The following SLC15A5 variants were observed in gnomAD, a reference collection of about 807,000 sequenced individuals.
SLC15A5 encodes solute carrier family 15 member 5.
In SLC15A5, 58 loss-of-function variants were observed where a neutral mutation model predicts 56.1. That is an observed-to-expected ratio of 1.03 (90% CI 0.84 to 1.29). The LOEUF is 1.29. Ranked by LOEUF, SLC15A5 falls within the 50% of genes most tolerant of loss-of-function variation. The pLI, the probability that SLC15A5 is intolerant of heterozygous loss-of-function variation, is 0.00. For missense variants in SLC15A5, 681 were observed against 672.1 expected (o/e 1.01, Z -0.15); for synonymous variants, 264 against 250.5 (o/e 1.05, Z -0.51).
rs113628892 is a variant in SLC15A5 at position 16,251,583 on chromosome 12, G to C, written c.754+6118C>G. Among the ~76,000 whole-genome samples, 1,279 of 151,830 alleles carry C rather than the reference G, an allele frequency of 8.4e-3. 15 individuals carry two copies. Among genetic ancestry groups the C allele is most frequent in the South Asian group, 0.055 (266 of 4,808 alleles). On this transcript the variant is annotated intron_variant, in intron 3 of 8. Transcript: ENST00000344941. ...TTATATAATCTAGAAGAAATGGATAGCTTTCTATAAACATACAACCTACTA... is the reference window on the plus strand; with the variant it reads ...TTATATAATCTAGAAGAAATGGATACCTTTCTATAAACATACAACCTACTA...
chr12:16,252,816 G>A (rs2136800868), intron 3 of SLC15A5, among the ~76,000 whole-genome samples: 1 of 152,068 alleles, frequency 6.6e-6, no homozygotes, highest in African/African-American at 2.4e-5. Context: ...AAATTCATAT[G>A]GAATATTAAT....
At chr12:16,202,643 CT>C (rs1177121378) in intron 7 of SLC15A5, among the ~76,000 whole-genome samples, 1 of 152,054 alleles carries the variant, frequency 6.6e-6, no homozygotes, top group Non-Finnish European at 1.5e-5. Flanking sequence ...ATCAAAGAAA[CT>C]TTTGTAAATT....
At chr12:16,216,855 A>G (rs368755851) in intron 7 of SLC15A5, 38 bp downstream of exon 7, 1 of 1,507,704 alleles carries the variant, frequency 6.6e-7, no homozygotes, top group Non-Finnish European at 8.8e-7. Flanking sequence ...CTAGTCATCA[A>G]CTCAATGTAT....
At chr12:16,244,905 G>T (rs1353518064) in intron 3 of SLC15A5, 105 bp from the exon 4 acceptor site, 1 of 1,255,644 alleles carries the variant, frequency 8.0e-7, no homozygotes, top group Non-Finnish European at 1.1e-6. Context: ...GCAGTGAAGT[G>T]AGAAAGTTTT....
chr12:16,195,946 A>G (rs890064632), intron 7 of SLC15A5, among the ~76,000 whole-genome samples: 3 of 152,096 alleles, frequency 2.0e-5, no homozygotes, highest in South Asian at 2.1e-4. Context: ...TCTGAAAGCT[A>G]GCCTAAATAA....
intron 1 of SLC15A5, 147 bp from the exon 2 acceptor site, chr12:16,272,930 A>C: frequency 2.7e-6 from 2 of 735,616 alleles, no homozygotes; most frequent in South Asian, 1.9e-5. Flanking sequence ...AATTTCAGGG[A>C]TAGCCTGATG....
chr12:16,231,276 C>T (rs1463543597), intron 5 of SLC15A5, among the ~76,000 whole-genome samples: 1 of 152,044 alleles, frequency 6.6e-6, no homozygotes, highest in Middle Eastern at 3.2e-3. Context: ...TGATTGACCA[C>T]ACAATTTTAA....
At chr12:16,198,535 C>T (rs1863918224) in intron 7 of SLC15A5, among the ~76,000 whole-genome samples, 2 of 152,136 alleles carry the variant, frequency 1.3e-5, no homozygotes, top group Admixed American at 6.6e-5. Context: ...ATATCAAATG[C>T]ACTGCTGTAG....
intron 8 of SLC15A5, 137 bp downstream of exon 8, chr12:16,194,208 C>T: frequency 4.1e-6 from 2 of 490,314 alleles, no homozygotes; most frequent in Non-Finnish European, 7.0e-6. Flanking sequence ...AATTTCTTAC[C>T]CTGAATAATC....
chr12:16,226,831 T>G (rs1264164106), intron 5 of SLC15A5, among the ~76,000 whole-genome samples: 1 of 152,222 alleles, frequency 6.6e-6, no homozygotes, highest in African/African-American at 2.4e-5. Context: ...AGCATTCATA[T>G]TACTGGACTT....
intron 8 of SLC15A5, among the ~76,000 whole-genome samples, chr12:16,193,724 C>T (rs1863861083): frequency 6.8e-5 from 10 of 147,550 alleles, no homozygotes; most frequent in Admixed American, 6.2e-4. Flanking sequence ...AACAGAGGCC[C>T]AGAGAGGTTA....
intron 3 of SLC15A5, among the ~76,000 whole-genome samples, chr12:16,249,611 A>G (rs896892715): frequency 6.6e-6 from 1 of 152,112 alleles, no homozygotes; most frequent in African/African-American, 2.4e-5. Context: ...TGTGTAATAT[A>G]TGGACTGCAA....
At chr12:16,250,570 A>G (rs993701197) in intron 3 of SLC15A5, among the ~76,000 whole-genome samples, 17 of 152,056 alleles carry the variant, frequency 1.1e-4, no homozygotes, top group African/African-American at 4.1e-4. Flanking sequence ...GGAACAGAAT[A>G]GAAACTCCAG....
At chr12:16,201,505 A>C (rs1339123899) in intron 7 of SLC15A5, among the ~76,000 whole-genome samples, 1 of 152,080 alleles carries the variant, frequency 6.6e-6, no homozygotes, top group African/African-American at 2.4e-5. Flanking sequence ...TCCCCACCCA[A>C]ATCTCATCTT....
chr12:16,253,231 T>C (rs1304595962), intron 3 of SLC15A5, among the ~76,000 whole-genome samples: 2 of 152,062 alleles, frequency 1.3e-5, no homozygotes, highest in Non-Finnish European at 2.9e-5. Flanking sequence ...CAATGATTTC[T>C]TGGACATGAC....
At chr12:16,189,869 A>G (rs1863824308) in intron 8 of SLC15A5, 54 bp from the exon 9 acceptor site, 1 of 1,311,306 alleles carries the variant, frequency 7.6e-7, no homozygotes, top group Non-Finnish European at 1.0e-6. Context: ...ATGAATTGAT[A>G]AATCATTTGC....
At chr12:16,252,971 C>T (rs1864533668) in intron 3 of SLC15A5, among the ~76,000 whole-genome samples, 1 of 151,938 alleles carries the variant, frequency 6.6e-6, no homozygotes, top group African/African-American at 2.4e-5. Flanking sequence ...AGTAGAGAGC[C>T]CAAAAATACA....
At chr12:16,226,777 G>T (rs1219596161) in intron 5 of SLC15A5, among the ~76,000 whole-genome samples, 8 of 152,098 alleles carry the variant, frequency 5.3e-5, no homozygotes, top group African/African-American at 1.9e-4. Flanking sequence ...GTAGGATTTT[G>T]TTACCGAGTC....
intron 3 of SLC15A5, among the ~76,000 whole-genome samples, chr12:16,252,107 A>G (rs950448156): frequency 1.1e-4 from 17 of 152,042 alleles, no homozygotes; most frequent in African/African-American, 3.9e-4. Flanking sequence ...GAGAAAATTC[A>G]ACACCCTTTC....
Sources: allele counts gnomAD v4.1 joint callset (sites outside exome capture counted in the v4.1 genomes callset), GRCh38; gene constraint gnomAD v4.1.1; transcripts MANE v1.5; gene names NCBI Gene and HGNC (gene_info 2026-07-23, HGNC 2026-07-21).